Variants in AATF observed in about 807,000 individuals in gnomAD.
The protein encoded by AATF is protein AATF.
Under a neutral mutation model 63.7 loss-of-function variants are expected in AATF, and 48 were observed. The observed-to-expected ratio is 0.75, with a 90% CI of 0.60 to 0.96. The LOEUF (loss-of-function observed/expected upper bound fraction) is 0.96, where lower values mean the gene tolerates loss of function less well. Ranked by LOEUF, AATF falls within the 40% of genes least tolerant of loss-of-function variation. The pLI is 0.00. For missense variants in AATF, 639 were observed against 685.7 expected (o/e 0.93, Z 0.76); for synonymous variants, 258 against 247.7 (o/e 1.04, Z -0.39).
chr17:37,035,493 G>A (rs1353291573), intron 11 of AATF, among the ~76,000 whole-genome samples: 1 of 151,700 alleles, frequency 6.6e-6, no homozygotes, highest in Non-Finnish European at 1.5e-5. Flanking sequence ...TTTTGGAAAT[G>A]TAATTGGCAA....
Position 37,004,257 on chromosome 17 carries a change from G to A in AATF, c.1398+13400G>A, listed in dbSNP as rs144057163. On this transcript the variant is annotated intron_variant, in intron 8 of 11. Transcript: ENST00000619387. ...GAGGCAGGAGAATTGCTTGAATTCA[G>A]GAGGCGGAGGTTGCAGTGAGCTGAG... 1.1e-4 allele frequency among the ~76,000 whole-genome samples: 16 copies of A among 152,280 alleles called. No individual in the cohort carries two copies. The East Asian group carries it at 3.1e-3, about 29-fold the overall frequency.
intron 8 of AATF, chr17:36,998,994 A>G (rs1256905292): frequency 6.6e-6 from 1 of 152,224 alleles, no homozygotes; most frequent in Non-Finnish European, 1.5e-5. Flanking sequence ...TTACCCCTCA[A>G]CATACACCTG....
intron 9 of AATF, among the ~76,000 whole-genome samples, chr17:37,020,446 A>G (rs1159060208): frequency 6.6e-6 from 1 of 152,214 alleles, no homozygotes; most frequent in Non-Finnish European, 1.5e-5. Context: ...ACAATTAAAA[A>G]CTAGTATCAG....
In AATF at chr17:36,976,241, C is replaced by T. The variant is rs77287997; in HGVS notation, c.833-10376C>T. Among the ~76,000 whole-genome samples the T allele has an allele frequency of 4.7e-3, 716 of 152,188 alleles. 18 individuals are homozygous for T. In the East Asian group the frequency reaches 0.054, roughly 11 times the overall value. ...ATTGATCTAGAAAATGAAAACTGTG[C>T]AATTGTTTTTTAAGCTTATAGTAGT... On this transcript the variant is annotated intron_variant, in intron 4 of 11. Transcript: ENST00000619387.
chr17:36,959,122 G>GTGA (rs2070925701), intron 4 of AATF, among the ~76,000 whole-genome samples: 1 of 148,368 alleles, frequency 6.7e-6, no homozygotes, highest in African/African-American at 2.6e-5. Context: ...TCCAGCCTGG[G>GTGA]CAACGAGCAA....
chr17:37,017,641 G>A (rs1385071967), intron 8 of AATF, among the ~76,000 whole-genome samples: 2 of 152,146 alleles, frequency 1.3e-5, no homozygotes, highest in Non-Finnish European at 2.9e-5. Flanking sequence ...TAAAACCAGC[G>A]GCTTCTGGTC....
intron 4 of AATF, among the ~76,000 whole-genome samples, chr17:36,983,910 T>C (rs552627040): frequency 1.3e-5 from 2 of 152,346 alleles, no homozygotes; most frequent in South Asian, 4.1e-4. Flanking sequence ...TCTTTCTGAC[T>C]AGTCTGAGAT....
chr17:36,990,688 G>T (rs1597715687), intron 7 of AATF, 86 bp from the exon 8 acceptor site: 1 of 821,342 alleles, frequency 1.2e-6, no homozygotes, highest in Non-Finnish European at 1.9e-6. Flanking sequence ...ACAGTGCTTT[G>T]ACTGTTCTAC....
At chr17:37,027,068 C>T (rs1254706343) in intron 10 of AATF, among the ~76,000 whole-genome samples, 1 of 152,016 alleles carries the variant, frequency 6.6e-6, no homozygotes, top group Non-Finnish European at 1.5e-5. Flanking sequence ...AATAATAACA[C>T]TTCATTAGTT....
At chr17:36,969,310 C>T (rs1390837825) in intron 4 of AATF, among the ~76,000 whole-genome samples, 1 of 152,192 alleles carries the variant, frequency 6.6e-6, no homozygotes, top group African/African-American at 2.4e-5. Flanking sequence ...GGCATTCAGT[C>T]TGTAAACTTC....
intron 4 of AATF, among the ~76,000 whole-genome samples, chr17:36,980,652 T>G (rs2071115492): frequency 1.3e-5 from 2 of 152,180 alleles, no homozygotes; most frequent in Non-Finnish European, 2.9e-5. Flanking sequence ...TTTGTTTGTT[T>G]TGGCTGGGAA....
intron 4 of AATF, among the ~76,000 whole-genome samples, chr17:36,969,812 G>A (rs1242131159): frequency 1.3e-5 from 2 of 152,054 alleles, no homozygotes; most frequent in Admixed American, 6.5e-5. Context: ...TTCCCTCCTG[G>A]CCTTCCCTAT....
At chr17:36,989,221 T>A in intron 6 of AATF, 26 bp from the exon 7 acceptor site, 4 of 1,599,046 alleles carry the variant, frequency 2.5e-6, no homozygotes, top group Non-Finnish European at 3.4e-6. Context: ...TTCTGCATTA[T>A]CTGACACTGC....
intron 8 of AATF, among the ~76,000 whole-genome samples, chr17:36,991,984 G>T (rs2071219302): frequency 6.6e-6 from 1 of 152,162 alleles, no homozygotes; most frequent in South Asian, 2.1e-4. Context: ...ACCAGTTATT[G>T]TTGAGCCATT....
Position 37,021,018 on chromosome 17 carries a change from A to G in AATF, c.1547+4A>G, listed in dbSNP as rs1481167668. On this transcript the variant is annotated splice_donor_region_variant and intron_variant, in intron 10 of 11. Transcript: ENST00000619387. Reference sequence around the variant, plus strand: ...CCAGCAAAGGCAGGAAACTTCGGTGAGTTACTTTTCGGAAAAAATGTCAAC... The same window carrying G: ...CCAGCAAAGGCAGGAAACTTCGGTGGGTTACTTTTCGGAAAAAATGTCAAC... 4.4e-6 allele frequency: 7 copies of G among 1,608,952 alleles called. No individual in the cohort carries two copies. The South Asian group carries it at 7.8e-5, about 18-fold the overall frequency.
chr17:37,002,588 C>T (rs1358495151), intron 8 of AATF, among the ~76,000 whole-genome samples: 2 of 151,004 alleles, frequency 1.3e-5, no homozygotes, highest in Non-Finnish European at 2.9e-5. Flanking sequence ...AGGAGAATGA[C>T]GTGAACCCAG....
intron 11 of AATF, among the ~76,000 whole-genome samples, chr17:37,038,364 C>T (rs1352286120): frequency 6.6e-6 from 1 of 152,102 alleles, no homozygotes; most frequent in Admixed American, 6.5e-5. Flanking sequence ...ACCCCTGAGA[C>T]AGGAAGAGAT....
At chr17:36,985,390 C>T (rs2071160205) in intron 4 of AATF, among the ~76,000 whole-genome samples, 1 of 151,804 alleles carries the variant, frequency 6.6e-6, no homozygotes, top group South Asian at 2.1e-4. Context: ...CACCTCAGGG[C>T]CCCTCCACCA....
chr17:37,007,364 T>A (rs1218163087), intron 8 of AATF, among the ~76,000 whole-genome samples: 1 of 140,850 alleles, frequency 7.1e-6, no homozygotes, highest in Admixed American at 6.9e-5. Context: ...ATTTAATTTT[T>A]TTTTTTTTTT....
Sources: allele counts gnomAD v4.1 joint callset (sites outside exome capture counted in the v4.1 genomes callset), GRCh38; gene constraint gnomAD v4.1.1; transcripts MANE v1.5; gene names NCBI Gene and HGNC (gene_info 2026-07-23, HGNC 2026-07-21).